Variants in SMIM36 observed in about 807,000 individuals in gnomAD.
The protein encoded by SMIM36 is small integral membrane protein 36.
chr17:55,516,636 G>A, the SMIM36 span, among the ~76,000 whole-genome samples: 1 of 137,998 alleles, frequency 7.2e-6, no homozygotes, highest in Non-Finnish European at 1.5e-5. Context: ...TTGGCTCACT[G>A]CAAACTCCGC....
exon 4 of SMIM36, chr17:55,467,294 G>T (rs924025249): frequency 6.6e-5 from 10 of 152,144 alleles, no homozygotes; most frequent in African/African-American, 2.4e-4. Context: ...TTAGCTGTCA[G>T]TCTAATTTCT....
At chr17:55,517,955 C>A in the SMIM36 span, among the ~76,000 whole-genome samples, 1 of 152,040 alleles carries the variant, frequency 6.6e-6, no homozygotes, top group East Asian at 1.9e-4. Flanking sequence ...AGGAAGAAAT[C>A]AACAAATAAT....
the SMIM36 span, among the ~76,000 whole-genome samples, chr17:55,531,106 C>T: frequency 1.3e-5 from 2 of 152,148 alleles, no homozygotes; most frequent in Non-Finnish European, 2.9e-5. Context: ...CTTAATCACT[C>T]CTATCATTAT....
chr17:55,455,883 C>T (rs1037527170), intron 4 of SMIM36, among the ~76,000 whole-genome samples: 6 of 151,704 alleles, frequency 4.0e-5, no homozygotes, highest in African/African-American at 1.2e-4. Flanking sequence ...TTTGGGAGGC[C>T]GAGGCACATG....
chr17:55,515,084 G>GTTTTTTTTTTTTTTTTTTTTTTTTTTTT (rs1567874075), upstream of SMIM36, among the ~76,000 whole-genome samples: 2 of 56,104 alleles, frequency 3.6e-5, no homozygotes, highest in Non-Finnish European at 7.1e-5. Context: ...TTCTAGTCTA[G>GTTTTTTTTTTTTTTTTTTTTTTTTTTTT]TGTTTTTTTT....
chr17:55,491,143 G>A (rs1413416591), intron 1 of SMIM36, among the ~76,000 whole-genome samples: 3 of 150,204 alleles, frequency 2.0e-5, no homozygotes, highest in Non-Finnish European at 2.9e-5. Context: ...TCGGGAGACC[G>A]AAGTGGGAGG....
intron 3 of SMIM36, among the ~76,000 whole-genome samples, chr17:55,473,091 A>T (rs1312960059): frequency 6.6e-6 from 1 of 151,554 alleles, no homozygotes; most frequent in African/African-American, 2.4e-5. Context: ...TGGAAAATTC[A>T]CTCTTCCTGC....
At chr17:55,488,388 G>T (rs1182832650) in intron 1 of SMIM36, among the ~76,000 whole-genome samples, 3 of 152,176 alleles carry the variant, frequency 2.0e-5, no homozygotes, top group Non-Finnish European at 4.4e-5. Context: ...GAGATTCATT[G>T]TAGAAAAATT....
At chr17:55,469,848 C>T (rs1909310962) in intron 3 of SMIM36, among the ~76,000 whole-genome samples, 1 of 152,112 alleles carries the variant, frequency 6.6e-6, no homozygotes. Context: ...CATGGTGGCA[C>T]ATGCCTGTAG....
intron 1 of SMIM36, among the ~76,000 whole-genome samples, chr17:55,494,407 TA>T (rs1567869079): frequency 6.6e-6 from 1 of 152,182 alleles, no homozygotes; most frequent in African/African-American, 2.4e-5. Context: ...TTTAATTTTT[TA>T]AAAAAACTTC....
At chr17:55,497,516 C>T (rs528009717) in intron 1 of SMIM36, among the ~76,000 whole-genome samples, 3 of 152,202 alleles carry the variant, frequency 2.0e-5, no homozygotes, top group Non-Finnish European at 2.9e-5. Context: ...CTGCCCGCCT[C>T]GGCCTCCCAA....
chr17:55,461,675 T>C (rs1909151202), intron 4 of SMIM36, among the ~76,000 whole-genome samples: 1 of 152,190 alleles, frequency 6.6e-6, no homozygotes, highest in Non-Finnish European at 1.5e-5. Context: ...ATACTGTATA[T>C]TTAAACACAG....
intron 1 of SMIM36, among the ~76,000 whole-genome samples, chr17:55,482,838 C>G (rs895584071): frequency 2.6e-5 from 4 of 152,120 alleles, no homozygotes; most frequent in Admixed American, 1.3e-4. Flanking sequence ...ACAACTTTCC[C>G]TTTTCTTAAA....
intron 1 of SMIM36, among the ~76,000 whole-genome samples, chr17:55,504,682 A>G (rs1482201020): frequency 1.1e-5 from 1 of 86,984 alleles, no homozygotes; most frequent in African/African-American, 7.7e-5. Context: ...AAGCAAGAGC[A>G]AACACATTCA....
intron 1 of SMIM36, among the ~76,000 whole-genome samples, chr17:55,508,738 C>T (rs1213082429): frequency 6.6e-6 from 1 of 151,720 alleles, no homozygotes; most frequent in East Asian, 1.9e-4. Context: ...GCCTGGCTAA[C>T]ATGGTGAAAC....
At chr17:55,526,750 T>C in the SMIM36 span, among the ~76,000 whole-genome samples, 2 of 152,186 alleles carry the variant, frequency 1.3e-5, no homozygotes, top group African/African-American at 4.8e-5. Context: ...AAAAATAAGC[T>C]AATTTTTTCC....
intron 1 of SMIM36, among the ~76,000 whole-genome samples, chr17:55,487,818 A>T (rs993312667): frequency 4.6e-5 from 7 of 152,150 alleles, no homozygotes; most frequent in African/African-American, 1.7e-4. Context: ...AGAAATTAGG[A>T]GATGCAAGGC....
the SMIM36 span, among the ~76,000 whole-genome samples, chr17:55,523,620 C>A: frequency 6.6e-6 from 1 of 151,880 alleles, no homozygotes. Flanking sequence ...ACCAGACCTG[C>A]AGACATCTTG....
intron 3 of SMIM36, among the ~76,000 whole-genome samples, chr17:55,477,373 G>A (rs946509520): frequency 1.3e-5 from 2 of 152,084 alleles, no homozygotes; most frequent in East Asian, 3.9e-4. Context: ...TGAGTTCCCT[G>A]GCTTAGAGAT....
Sources: gnomAD v4.1 joint callset for allele counts (sites outside exome capture counted in the v4.1 genomes callset) on GRCh38, gnomAD v4.1.1 for gene constraint, MANE v1.5 for transcripts, NCBI Gene and HGNC (gene_info 2026-07-23, HGNC 2026-07-21) for gene names.